FAR2: variants seen among roughly 807,000 people sequenced by gnomAD.
FAR2 encodes the protein fatty acyl-CoA reductase 2.
In FAR2, 19 loss-of-function variants were observed where a neutral mutation model predicts 56.0. That is an observed-to-expected ratio of 0.34 (90% confidence interval 0.24 to 0.50). FAR2 has a LOEUF of 0.50. FAR2 is among the 20% of genes least tolerant of loss of function. The pLI, the probability that FAR2 is intolerant of heterozygous loss-of-function variation, is 0.98. For missense variants in FAR2, 508 were observed against 642.2 expected (o/e 0.79, Z 2.26); for synonymous variants, 219 against 218.8 (o/e 1.00, Z -0.01).
At chr12:29,307,386 G>A (rs535310710) in intron 4 of FAR2, among the ~76,000 whole-genome samples, 5 of 146,118 alleles carry the variant, frequency 3.4e-5, no homozygotes, top group African/African-American at 7.6e-5. Context: ...TGATTCTATC[G>A]GTCTATCTAC....
intron 4 of FAR2, among the ~76,000 whole-genome samples, chr12:29,298,537 A>C (rs1251910590): frequency 3.9e-5 from 6 of 152,200 alleles, no homozygotes; most frequent in Admixed American, 3.9e-4. Context: ...AGAAGAATGA[A>C]AGTCATCTAA....
intron 4 of FAR2, among the ~76,000 whole-genome samples, chr12:29,299,483 C>T (rs959151773): frequency 2.0e-5 from 3 of 152,158 alleles, no homozygotes; most frequent in African/African-American, 7.2e-5. Flanking sequence ...CAAACTGTAA[C>T]TGACATTTGT....
At chr12:29,185,848 A>G (rs979461160) in intron 1 of FAR2, among the ~76,000 whole-genome samples, 1 of 152,118 alleles carries the variant, frequency 6.6e-6, no homozygotes, top group African/African-American at 2.4e-5. Flanking sequence ...TTCAACAAAT[A>G]ATTATCCTGC....
At chr12:29,234,731 C>T (rs1947911737) in intron 1 of FAR2, among the ~76,000 whole-genome samples, 1 of 152,104 alleles carries the variant, frequency 6.6e-6, no homozygotes, top group Admixed American at 6.6e-5. Context: ...GCCTAGAACA[C>T]CTCCCTTCAC....
chr12:29,220,997 G>A (rs2136639045), intron 1 of FAR2, among the ~76,000 whole-genome samples: 1 of 152,248 alleles, frequency 6.6e-6, no homozygotes, highest in South Asian at 2.1e-4. Context: ...TGGGCTGCCA[G>A]CGCTTGGGAG....
chr12:29,289,156 A>G lies in FAR2; in HGVS notation c.190-4144A>G, dbSNP rs546124815. Among the ~76,000 whole-genome samples, 10 of 152,260 alleles carry G rather than the reference A, an allele frequency of 6.6e-5. 1 individual carries two copies. In the South Asian group the frequency reaches 2.1e-3, roughly 32 times the overall value. Reference sequence around the variant, plus strand: ...GATTCAGTGCAATCCTTATCAAAATATCAGTAACATTATTCATAGAAATAG... The same window carrying G: ...GATTCAGTGCAATCCTTATCAAAATGTCAGTAACATTATTCATAGAAATAG... On this transcript the variant is annotated intron_variant, in intron 2 of 11. Transcript: ENST00000536681.
chr12:29,297,797 G>A (rs1245765943), intron 4 of FAR2, among the ~76,000 whole-genome samples: 1 of 152,192 alleles, frequency 6.6e-6, no homozygotes, highest in Non-Finnish European at 1.5e-5. Flanking sequence ...TGTAATCCCA[G>A]CACTTTGGGA....
At chr12:29,185,065 T>C (rs1950027595) in intron 1 of FAR2, among the ~76,000 whole-genome samples, 2 of 152,362 alleles carry the variant, frequency 1.3e-5, no homozygotes, top group South Asian at 4.1e-4. Context: ...TTAGAAAATG[T>C]ATATGATATC....
intron 1 of FAR2, among the ~76,000 whole-genome samples, chr12:29,164,408 C>T (rs1949807783): frequency 6.6e-6 from 1 of 152,184 alleles, no homozygotes; most frequent in South Asian, 2.1e-4. Flanking sequence ...TCAAAGTTCT[C>T]GGATGAGCTA....
chr12:29,168,150 T>A (rs1489004177), intron 1 of FAR2, among the ~76,000 whole-genome samples: 1 of 150,062 alleles, frequency 6.7e-6, no homozygotes, highest in Non-Finnish European at 1.5e-5. Flanking sequence ...TCCTGCACAG[T>A]TAGTTTATCC....
At chr12:29,257,500 G>A (rs1379419515) in intron 1 of FAR2, among the ~76,000 whole-genome samples, 3 of 152,146 alleles carry the variant, frequency 2.0e-5, no homozygotes, top group East Asian at 1.9e-4. Context: ...CCTCTTCCAC[G>A]CTGTGGAAGC....
intron 4 of FAR2, among the ~76,000 whole-genome samples, chr12:29,302,236 GA>G (rs57752714): frequency 0.077 from 7,116 of 92,472 alleles, 147 homozygotes; most frequent in African/African-American, 0.1. Context: ...CATCTCAAAG[GA>G]AAAAAAAAAA....
chr12:29,210,839 C>G (rs186175816), intron 1 of FAR2, among the ~76,000 whole-genome samples: 28 of 152,234 alleles, frequency 1.8e-4, no homozygotes, highest in Non-Finnish European at 3.8e-4. Flanking sequence ...GTAGTCCCAG[C>G]TACTCTGGAG....
chr12:29,333,747 T>C lies in FAR2; in HGVS notation c.1501T>C (p.Tyr501His). The change falls in exon 12 of 12, where the codon TAT becomes CAT. Residue 501 changes from tyrosine (Y) to histidine (H), a missense_variant. By Grantham distance (83) the Tyr-to-His change is moderately conservative. Coordinates refer to ENST00000536681, the MANE Select transcript of FAR2 (RefSeq NM_001271783.2). Reference protein sequence around the residue: ...NVWFFIVSFCYKFLSYFRASS... With the variant: ...NVWFFIVSFCHKFLSYFRASS... Reference sequence around the variant, plus strand: ...CTGGTTCTTCATTGTAAGCTTCTGTTATAAATTCCTCTCCTACTTTAGAGC... The same window carrying C: ...CTGGTTCTTCATTGTAAGCTTCTGTCATAAATTCCTCTCCTACTTTAGAGC... 6.2e-7 allele frequency: 1 copy of C among 1,613,890 alleles called. No individual in the cohort carries two copies.
At chr12:29,197,672 T>A (rs1724745123) in intron 1 of FAR2, among the ~76,000 whole-genome samples, 1 of 152,158 alleles carries the variant, frequency 6.6e-6, no homozygotes, top group South Asian at 2.1e-4. Context: ...AATTAATATA[T>A]TTTTTAAATA....
chr12:29,236,397 C>A (rs1947942150), intron 1 of FAR2, among the ~76,000 whole-genome samples: 1 of 152,084 alleles, frequency 6.6e-6, no homozygotes, highest in Non-Finnish European at 1.5e-5. Context: ...TTCATTAGTC[C>A]ATTTTCACAC....
intron 1 of FAR2, among the ~76,000 whole-genome samples, chr12:29,176,592 CAT>C (rs1949941181): frequency 6.6e-6 from 1 of 152,172 alleles, no homozygotes; most frequent in African/African-American, 2.4e-5. Context: ...CTAAAACTGT[CAT>C]GCTTATATTA....
chr12:29,227,546 A>G (rs1463859787), intron 1 of FAR2, among the ~76,000 whole-genome samples: 1 of 152,096 alleles, frequency 6.6e-6, no homozygotes, highest in African/African-American at 2.4e-5. Context: ...ATACTCTGTA[A>G]TTTACAGTAC....
chr12:29,309,156 T>C, intron 5 of FAR2, 30 bp from the exon 6 acceptor site: 1 of 1,532,750 alleles, frequency 6.5e-7, no homozygotes. Context: ...TTCTGAAATG[T>C]GTAACCAATA....
Sources: gnomAD v4.1 joint callset for allele counts (sites outside exome capture counted in the v4.1 genomes callset) on GRCh38, gnomAD v4.1.1 for gene constraint, MANE v1.5 for transcripts, NCBI Gene and HGNC (gene_info 2026-07-23, HGNC 2026-07-21) for gene names.